SNTG1: variants seen among roughly 807,000 people sequenced by gnomAD.
SNTG1 encodes the protein syntrophin gamma 1.
Under a neutral mutation model 74.7 loss-of-function variants are expected in SNTG1, and 39 were observed. The ratio of observed to expected loss-of-function variants is 0.52; its 90% CI spans 0.40 to 0.68. The LOEUF is 0.68. Ranked by LOEUF, SNTG1 falls within the 30% of genes least tolerant of loss-of-function variation. The pLI is 0.00. For synonymous variants in SNTG1, 254 were observed against 217.1 expected, an observed-to-expected ratio of 1.17 and a Z score of -1.49; for missense variants, 685 against 609.5, an observed-to-expected ratio of 1.12 and a Z score of -1.30.
chr8:50,019,128 G>A (rs1194145871), intron 1 of SNTG1, among the ~76,000 whole-genome samples: 1 of 152,020 alleles, frequency 6.6e-6, no homozygotes, highest in Non-Finnish European at 1.5e-5. Flanking sequence ...TAATTGATGA[G>A]AAAGGTCCCA....
At chr8:50,638,208 G>A (rs940932496) in intron 13 of SNTG1, among the ~76,000 whole-genome samples, 24 of 152,052 alleles carry the variant, frequency 1.6e-4, no homozygotes, top group Non-Finnish European at 3.1e-4. Context: ...CTTCTTGAAT[G>A]GAATGAAGCC....
At chr8:50,538,261 A>T (rs2094321588) in intron 11 of SNTG1, among the ~76,000 whole-genome samples, 1 of 152,142 alleles carries the variant, frequency 6.6e-6, no homozygotes. Context: ...ATCGGGTGGT[A>T]TTATGAGTTT....
chr8:50,244,065 T>C (rs73577260), intron 2 of SNTG1, among the ~76,000 whole-genome samples: 1 of 152,116 alleles, frequency 6.6e-6, no homozygotes, highest in African/African-American at 2.4e-5. Flanking sequence ...TGGCATCTGC[T>C]TGGCTTCTGG....
At chr8:50,211,978 T>A (rs1418495276) in intron 2 of SNTG1, among the ~76,000 whole-genome samples, 1 of 152,172 alleles carries the variant, frequency 6.6e-6, no homozygotes, top group Non-Finnish European at 1.5e-5. Flanking sequence ...GGCTGTTATA[T>A]GTGTTCTGCA....
intron 1 of SNTG1, among the ~76,000 whole-genome samples, chr8:50,081,487 T>G (rs1822404852): frequency 6.6e-6 from 1 of 152,182 alleles, no homozygotes. Context: ...CAATTATTAT[T>G]TTTTCCTGTA....
chr8:50,325,257 A>G (rs1202283681), intron 2 of SNTG1, among the ~76,000 whole-genome samples: 1 of 151,880 alleles, frequency 6.6e-6, no homozygotes, highest in East Asian at 1.9e-4. Flanking sequence ...TATTCAAAAT[A>G]TAACTCTCTA....
chr8:50,159,088 G>A (rs912607422), intron 1 of SNTG1, among the ~76,000 whole-genome samples: 4 of 152,044 alleles, frequency 2.6e-5, no homozygotes, highest in East Asian at 1.9e-4. Context: ...ATGACCGGCC[G>A]TTTGGGTTTT....
rs77273554 is a variant in SNTG1, at chr8:50,126,065, C to T, written c.-102-46496C>T. Among the ~76,000 whole-genome samples the T allele has an allele frequency of 0.011, 1,653 of 152,142 alleles. 75 individuals are homozygous for T. The East Asian group carries it at 0.15, about 13-fold the overall frequency. On this transcript the variant is annotated intron_variant, in intron 1 of 18. Coordinates refer to ENST00000642720, the MANE Select transcript of SNTG1 (RefSeq NM_018967.5). ...CATGAGTACACAATGGCTGGTTCTG[C>T]GGCACCCTTCTTGGGTCATCACACC...
chr8:50,453,365 G>A (rs1249006054), intron 8 of SNTG1, among the ~76,000 whole-genome samples: 1 of 152,142 alleles, frequency 6.6e-6, no homozygotes, highest in African/African-American at 2.4e-5. Flanking sequence ...GGGAGTGTAA[G>A]TGAAGTCCTG....
chr8:50,656,771 T>C (rs760619499), intron 13 of SNTG1, 138 bp from the exon 14 acceptor site: 69 of 587,730 alleles, frequency 1.2e-4, no homozygotes, highest in Middle Eastern at 4.7e-4. Flanking sequence ...ATCAATCAAT[T>C]TGATAATTTT....
intron 3 of SNTG1, 70 bp from the exon 4 acceptor site, chr8:50,402,140 T>C: frequency 6.7e-7 from 1 of 1,495,624 alleles, no homozygotes; most frequent in South Asian, 1.3e-5. Context: ...TGCTGTAAAC[T>C]GGCCACAAAA....
chr8:50,495,524 T>C (rs1355863698), intron 8 of SNTG1, among the ~76,000 whole-genome samples: 2 of 151,894 alleles, frequency 1.3e-5, no homozygotes, highest in Admixed American at 6.6e-5. Flanking sequence ...CTTCACATAG[T>C]TGATTAACCC....
intron 2 of SNTG1, among the ~76,000 whole-genome samples, chr8:50,180,609 A>G (rs1431986929): frequency 6.6e-6 from 1 of 152,200 alleles, no homozygotes; most frequent in East Asian, 1.9e-4. Flanking sequence ...CAGACTTCCT[A>G]TTATACAAAA....
At chr8:50,626,566 A>G (rs547927289) in intron 13 of SNTG1, among the ~76,000 whole-genome samples, 25 of 152,360 alleles carry the variant, frequency 1.6e-4, no homozygotes, top group African/African-American at 5.8e-4. Flanking sequence ...TAGATTAACT[A>G]AAAGCACTCC....
At chr8:49,933,137 C>T (rs1174093133) in intron 1 of SNTG1, among the ~76,000 whole-genome samples, 5 of 152,104 alleles carry the variant, frequency 3.3e-5, no homozygotes, top group Non-Finnish European at 7.4e-5. Context: ...GGATATATAT[C>T]TAGCGGTGCA....
Position 50,373,859 on chromosome 8 carries a change from A to G in SNTG1, c.-27-20353A>G, listed in dbSNP as rs1415687159. 2.0e-5 allele frequency among the ~76,000 whole-genome samples: 3 copies of G among 152,092 alleles called. No individual in the cohort carries two copies. In the East Asian group the frequency reaches 5.8e-4, roughly 29 times the overall value. On this transcript the variant is annotated intron_variant, in intron 2 of 18. Coordinates refer to ENST00000642720, the MANE Select transcript of SNTG1 (RefSeq NM_018967.5). ...TGTTCGCATGCCTTAGCATTGTTTG[A>G]TCACCAGGCCCTTTTGTCCAAGGCT...
intron 15 of SNTG1, among the ~76,000 whole-genome samples, chr8:50,659,999 C>T (rs1378339376): frequency 6.6e-6 from 1 of 151,998 alleles, no homozygotes; most frequent in Non-Finnish European, 1.5e-5. Flanking sequence ...GCCACCATGC[C>T]CAGCTAACTT....
chr8:50,526,167 C>A (rs1465022753), intron 9 of SNTG1, among the ~76,000 whole-genome samples: 1 of 152,042 alleles, frequency 6.6e-6, no homozygotes, highest in Non-Finnish European at 1.5e-5. Context: ...GCAATGAGCC[C>A]CTGAACTCTT....
intron 1 of SNTG1, among the ~76,000 whole-genome samples, chr8:49,941,535 A>G (rs1336593132): frequency 1.3e-5 from 2 of 148,274 alleles, no homozygotes; most frequent in Non-Finnish European, 3.0e-5. Context: ...TAACTTTTAT[A>G]TATATATATA....
Sources: allele counts gnomAD v4.1 joint callset (sites outside exome capture counted in the v4.1 genomes callset), GRCh38; gene constraint gnomAD v4.1.1; transcripts MANE v1.5; gene names NCBI Gene and HGNC (gene_info 2026-07-23, HGNC 2026-07-21).